Variants in ADAT2 observed in about 807,000 individuals in gnomAD.
The protein encoded by ADAT2 is tRNA-specific adenosine-34 deaminase catalytic subunit ADAT2.
Under a neutral mutation model 25.9 loss-of-function variants are expected in ADAT2, and 26 were observed. The observed-to-expected ratio is 1.00, with a 90% CI of 0.74 to 1.39. The LOEUF (loss-of-function observed/expected upper bound fraction) is 1.39. Among genes scored for constraint, ADAT2 ranks in the 40% most tolerant of loss-of-function variants. ADAT2 has a pLI of 0.00. For missense variants in ADAT2, 220 were observed against 244.8 expected (o/e 0.90, Z 0.68); for synonymous variants, 76 against 86.8 (o/e 0.88, Z 0.69).
Position 143,425,733 on chromosome 6 carries a change from TTGTGTGTGTGTGTGTGTGTGTGTGTG to T in ADAT2, c.*2704_*2729del, listed in dbSNP as rs71714792. ...GGTAAAGGGCCATGGTGTGTTGTGTTTGTGTGTGTGTGTGTGTGTGTGTGTGTGTGTGTGTGTGTGTGTGTATTTTA... is the reference window on the plus strand; with the variant it reads ...GGTAAAGGGCCATGGTGTGTTGTGTTTGTGTGTGTGTGTGTGTGTATTTTA... On this transcript the variant is annotated 3_prime_UTR_variant, in exon 6 of 6. Coordinates refer to ENST00000237283, the MANE Select transcript of ADAT2 (RefSeq NM_182503.3). 1.2e-4 allele frequency: 16 copies of T among 136,584 alleles called. No homozygotes were observed. In the East Asian group the frequency reaches 2.5e-3, roughly 21 times the overall value. The allele number at this position is 136,584 out of a possible 1,614,324, so 8.5% of individuals were successfully genotyped here. A position where few individuals can be genotyped will look rare whatever the true frequency, so the allele number is the denominator to read the frequency against.
At position 143,444,915 on chromosome 6, in the gene ADAT2, G is replaced by A. The variant is rs1386214233; in HGVS notation, c.96+5648C>T. On this transcript the variant is annotated intron_variant, in intron 1 of 5. Transcript: ENST00000237283. The surrounding 1 kb of genome is among the most constrained non-coding windows in gnomAD (Gnocchi z 4.3). ...GTGATGTCATGATAAAAGGGGGAGA[G>A]ATGGAAACAGACCTTGTTTGCACAC... 2 of 1,301,026 alleles carry A rather than the reference G, an allele frequency of 1.5e-6. No homozygotes were observed. The allele number at this position is 1,301,026 out of a possible 1,614,324, so 80.6% of individuals were successfully genotyped here.
rs1401374746 is a variant in ADAT2 at position 143,432,118 on chromosome 6, G to T, written c.459+387C>A. On this transcript the variant is annotated intron_variant, in intron 4 of 5. Transcript: ENST00000237283. The surrounding 1 kb of genome is among the most constrained non-coding windows in gnomAD (Gnocchi z 4.4). ...AAAAATATTGTGTGTGCTGTAAATA[G>T]TCTCTAGCGTCACTGACACAGGCCA... Among the ~76,000 whole-genome samples the T allele has an allele frequency of 2.0e-5, 3 of 152,226 alleles. No homozygotes were observed. Among genetic ancestry groups the T allele is most frequent in the African/African-American group, 7.2e-5 (3 of 41,460 alleles).
In ADAT2 at chr6:143,445,328, C is replaced by A. The variant is rs541328224; in HGVS notation, c.96+5235G>T. Among the ~76,000 whole-genome samples the A allele has an allele frequency of 1.4e-3, 211 of 152,050 alleles. No individual in the cohort carries two copies. The South Asian group carries it at 0.017, about 12-fold the overall frequency. ...GACACTGATGAAAGTTATGGACTGT[C>A]TCACTTGAAAAAGGCACACGCACAT... On this transcript the variant is annotated intron_variant, in intron 1 of 5. Transcript: ENST00000237283.
rs1778891936 is a variant in ADAT2 at position 143,425,182 on chromosome 6, A to T, written c.*3281T>A. The T allele has an allele frequency of 6.6e-6, 1 of 152,164 alleles. No individual in the cohort carries two copies. The highest frequency in any genetic ancestry group is 6.5e-5 in the Admixed American group (1 of 15,270). 9.4% of individuals were successfully genotyped at this position (152,164 alleles called of 1,614,324 possible). On this transcript the variant is annotated 3_prime_UTR_variant, in exon 6 of 6. Transcript: ENST00000237283. ...ATTATTTAAAAATGTCAATGTCATA[A>T]AAGACAAAGAAAGCCAGTGAAAATG...
rs887037403 is a variant in ADAT2, at chr6:143,426,812, C to T, written c.*1651G>A. 6.6e-6 allele frequency: 1 copy of T among 152,112 alleles called. No homozygotes were observed. The highest frequency in any genetic ancestry group is 6.5e-5 in the Admixed American group (1 of 15,274). The allele number at this position is 152,112 out of a possible 1,614,324, so 9.4% of individuals were successfully genotyped here. ...ACTGGACATAAGATGCTCAGCCAGA[C>T]TTACTGGGTGGTACTCTAGAGAGGC... On this transcript the variant is annotated 3_prime_UTR_variant, in exon 6 of 6. Transcript: ENST00000237283. The surrounding 1 kb of genome is among the most constrained non-coding windows in gnomAD (Gnocchi z 4.1).
chr6:143,447,887 C>T (rs1379924632), intron 1 of ADAT2, among the ~76,000 whole-genome samples: 1 of 152,148 alleles, frequency 6.6e-6, no homozygotes, highest in Non-Finnish European at 1.5e-5. Flanking sequence ...CCAGCCATCC[C>T]ATTACTGAGC....
rs1583966190 is a variant in ADAT2 at position 143,427,040 on chromosome 6, A to C, written c.*1423T>G. ...GGATGAAATTGAAGGTGCATGTAAC[A>C]TTATCACAGATTTAAAATCATGCAT... On this transcript the variant is annotated 3_prime_UTR_variant, in exon 6 of 6. Coordinates refer to ENST00000237283, the MANE Select transcript of ADAT2 (RefSeq NM_182503.3). The C allele has an allele frequency of 6.6e-6, 1 of 152,120 alleles. No homozygotes were observed. The highest frequency in any genetic ancestry group is 3.4e-3 in the Middle Eastern group (1 of 292). 9.4% of individuals were successfully genotyped at this position (152,120 alleles called of 1,614,324 possible). A position where few individuals can be genotyped will look rare whatever the true frequency, so the allele number is the denominator to read the frequency against.
intron 1 of ADAT2, chr6:143,441,546 AGAG>A (rs1774453104): frequency 6.6e-6 from 1 of 152,250 alleles, no homozygotes; most frequent in Admixed American, 6.5e-5. Context: ...TCACATGGTA[AGAG>A]AAGAAGAAAG....
rs1326970748 is a variant in ADAT2 at position 143,437,666 on chromosome 6, A to G, written c.201+924T>C. Among the ~76,000 whole-genome samples, 1 of 152,182 alleles carries G rather than the reference A, an allele frequency of 6.6e-6. No homozygotes were observed. The highest frequency in any genetic ancestry group is 1.9e-4 in the East Asian group (1 of 5,204). On this transcript the variant is annotated intron_variant, in intron 2 of 5. Transcript: ENST00000237283. The surrounding 1 kb of genome is among the most constrained non-coding windows in gnomAD (Gnocchi z 4.1). ...AAATGATTTGTGAATCTGGATTCCT[A>G]TTTTACATGTGTTTTGCTAAATATC...
intron 1 of ADAT2, among the ~76,000 whole-genome samples, chr6:143,439,250 A>G (rs1057425427): frequency 6.6e-6 from 1 of 151,756 alleles, no homozygotes; most frequent in Admixed American, 6.6e-5. Flanking sequence ...AATCATTATG[A>G]AAAACGTTTT....
In ADAT2 at chr6:143,434,004, A is replaced by C; in HGVS notation, c.202-23T>G. On this transcript the variant is annotated intron_variant, in intron 2 of 5. Transcript: ENST00000237283. This position sits in a 1 kb window ranked among gnomAD's most constrained non-coding sequence, Gnocchi z 4.5. Reference sequence around the variant, plus strand: ...AGCCTGAAAAGAGAAAGGGGCTTGCACTGATGCTGTTTGCTTCATGTGACT... The same window carrying C: ...AGCCTGAAAAGAGAAAGGGGCTTGCCCTGATGCTGTTTGCTTCATGTGACT... 2 of 1,612,538 alleles carry C rather than the reference A, an allele frequency of 1.2e-6. No homozygotes were observed. The highest frequency in any genetic ancestry group is 1.7e-4 in the Middle Eastern group (1 of 6,060).
chr6:143,439,006 T>C (rs1354474083), intron 1 of ADAT2, among the ~76,000 whole-genome samples: 1 of 152,178 alleles, frequency 6.6e-6, no homozygotes, highest in Non-Finnish European at 1.5e-5. Context: ...GGTCTATGTG[T>C]CTTTTCAGAG....
In ADAT2 at chr6:143,427,315, T is replaced by C. The variant is rs1425098475; in HGVS notation, c.*1148A>G. ...ATACAGATGCTTTGCATCAAGGAAA[T>C]GAATCTACTGAAGAAATGCAACTGA... On this transcript the variant is annotated 3_prime_UTR_variant, in exon 6 of 6. Coordinates refer to ENST00000237283, the MANE Select transcript of ADAT2 (RefSeq NM_182503.3). The C allele has an allele frequency of 6.6e-6, 1 of 152,530 alleles. No individual in the cohort carries two copies. The highest frequency in any genetic ancestry group is 2.4e-5 in the African/African-American group (1 of 41,400). The allele number at this position is 152,530 out of a possible 1,614,324, so 9.4% of individuals were successfully genotyped here.
Position 143,432,375 on chromosome 6 carries a change from G to T in ADAT2, c.459+130C>A. The stretch of plus-strand genomic sequence containing the variant: ...GAGGCATAAATGAACTCCACCAGAG[G>T]CCCTGAGATCAAAGATGTCTGATTC... On this transcript the variant is annotated intron_variant, in intron 4 of 5. Transcript: ENST00000237283. The surrounding 1 kb of genome is among the most constrained non-coding windows in gnomAD (Gnocchi z 4.4). The T allele has an allele frequency of 1.2e-6, 1 of 801,740 alleles. No individual in the cohort carries two copies. The highest frequency in any genetic ancestry group is 2.0e-6 in the Non-Finnish European group (1 of 493,536). 49.7% of individuals were successfully genotyped at this position (801,740 alleles called of 1,614,324 possible). A position where few individuals can be genotyped will look rare whatever the true frequency, so the allele number is the denominator to read the frequency against.
At chr6:143,438,297 T>C (rs186832481) in intron 2 of ADAT2, among the ~76,000 whole-genome samples, 7 of 152,346 alleles carry the variant, frequency 4.6e-5, no homozygotes, top group African/African-American at 1.4e-4. Flanking sequence ...AAATCCCCTC[T>C]TGGGTTTCAC....
chr6:143,439,712 A>G (rs1779403415), intron 1 of ADAT2, among the ~76,000 whole-genome samples: 2 of 152,240 alleles, frequency 1.3e-5, no homozygotes, highest in South Asian at 2.1e-4. Context: ...GAGGTACACA[A>G]AAAAATTTTC....
chr6:143,448,845 CA>C lies in ADAT2; in HGVS notation c.96+1717del, dbSNP rs200350641. Among the ~76,000 whole-genome samples the C allele has an allele frequency of 4.7e-5, 7 of 149,450 alleles. No homozygotes were observed. The South Asian group carries it at 6.4e-4, about 14-fold the overall frequency. On this transcript the variant is annotated intron_variant, in intron 1 of 5. Coordinates refer to ENST00000237283, the MANE Select transcript of ADAT2 (RefSeq NM_182503.3). ...CAACACAGAGAGACCCTGTCTAAAC[CA>C]AAAAAAAATCTTCTAAAAATAAAAA... is the stretch of plus-strand genomic sequence containing the variant.
rs2128740245 is a variant in ADAT2 at position 143,434,144 on chromosome 6, T to C, written c.202-163A>G. ...TAGCAGTGGACAACGTATTCCCCAA[T>C]TCAAGTACCATAACCTCACTTGCGA... On this transcript the variant is annotated intron_variant, in intron 2 of 5. Coordinates refer to ENST00000237283, the MANE Select transcript of ADAT2 (RefSeq NM_182503.3). The surrounding 1 kb of genome is among the most constrained non-coding windows in gnomAD (Gnocchi z 4.5). Among the ~76,000 whole-genome samples the C allele has an allele frequency of 6.6e-6, 1 of 152,286 alleles. No homozygotes were observed. Among genetic ancestry groups the C allele is most frequent in the Non-Finnish European group, 1.5e-5 (1 of 68,018 alleles).
rs1778914496 is a variant in ADAT2, at chr6:143,425,738, T to TGTGTGTGTGTGTGTGG, written c.*2724_*2725insCCACACACACACACAC. The TGTGTGTGTGTGTGTGG allele has an allele frequency of 1.3e-5, 1 of 79,508 alleles. No homozygotes were observed. Among genetic ancestry groups the TGTGTGTGTGTGTGTGG allele is most frequent in the Non-Finnish European group, 3.2e-5 (1 of 31,280 alleles). The allele number at this position is 79,508 out of a possible 1,614,324, so 4.9% of individuals were successfully genotyped here. ...AGGGCCATGGTGTGTTGTGTTTGTG[T>TGTGTGTGTGTGTGTGG]GTGTGTGTGTGTGTGTGTGTGTGTG... On this transcript the variant is annotated 3_prime_UTR_variant, in exon 6 of 6. Transcript: ENST00000237283.
Sources: allele counts gnomAD v4.1 joint callset (sites outside exome capture counted in the v4.1 genomes callset), GRCh38; gene constraint gnomAD v4.1.1; non-coding constraint Gnocchi (gnomAD v3.1); transcripts MANE v1.5; gene names NCBI Gene and HGNC (gene_info 2026-07-23, HGNC 2026-07-21).